The following LRRC4C variants were observed in gnomAD, a reference collection of about 807,000 sequenced individuals.
The protein encoded by LRRC4C is leucine-rich repeat-containing protein 4C.
Under a neutral mutation model 33.6 loss-of-function variants are expected in LRRC4C, and 5 were observed. The ratio of observed to expected loss-of-function variants is 0.15; its 90% CI spans 0.08 to 0.31. LRRC4C has a LOEUF of 0.31. Among genes scored for constraint, LRRC4C ranks in the 10% least tolerant of loss-of-function variants. LRRC4C has a pLI of 1.00. For synonymous variants in LRRC4C, 329 were observed against 302.0 expected (o/e 1.09, Z -0.93); for missense variants, 560 against 796.7 (o/e 0.70, Z 3.58).
chr11:40,394,025 G>T (rs1458824884), intron 3 of LRRC4C, among the ~76,000 whole-genome samples: 1 of 151,950 alleles, frequency 6.6e-6, no homozygotes, highest in Non-Finnish European at 1.5e-5. Context: ...TGAAGAGTAA[G>T]AAGGGGATAA....
chr11:40,909,933 A>C (rs1956592813), intron 2 of LRRC4C, among the ~76,000 whole-genome samples: 1 of 152,200 alleles, frequency 6.6e-6, no homozygotes, highest in African/African-American at 2.4e-5. Context: ...AAACAACTGA[A>C]AATCATTTAT....
At chr11:40,933,464 C>G (rs1957726320) in intron 2 of LRRC4C, among the ~76,000 whole-genome samples, 171 bp downstream of exon 2, 1 of 152,224 alleles carries the variant, frequency 6.6e-6, no homozygotes, top group Non-Finnish European at 1.5e-5. Context: ...TTGTTTAAAG[C>G]TATTATTGTT....
chr11:40,115,260 C>T lies in LRRC4C; in HGVS notation c.1033G>A (p.Asp345Asn), dbSNP rs779147551. 7.4e-6 allele frequency: 12 copies of T among 1,613,934 alleles called. No homozygotes were observed. The highest frequency in any genetic ancestry group is 6.6e-5 in the South Asian group (6 of 91,052). Residue 345 changes from aspartate (D) to asparagine (N), a missense_variant, in exon 7 of 7, where the codon GAC becomes AAC. Physicochemically the swap from Asp to Asn is conservative, Grantham distance 23. Coordinates refer to ENST00000528697, the MANE Select transcript of LRRC4C (RefSeq NM_001258419.2). The surrounding 1 kb of genome is among the most constrained non-coding windows in gnomAD (Gnocchi z 6.7). ...NLKGRYIGEL[D>N]QNYFTCYAPV... ...GCATAGCATGTGAAGTAATTCTGGT[C>T]GAGCTCTCCAATGTACCTCCCCTTT... is the stretch of plus-strand genomic sequence containing the variant.
intron 4 of LRRC4C, among the ~76,000 whole-genome samples, chr11:40,304,744 T>C (rs1167950536): frequency 6.6e-6 from 1 of 151,914 alleles, no homozygotes; most frequent in East Asian, 1.9e-4. Flanking sequence ...CCTTTTTTTT[T>C]TTTTTGAGAC....
intron 2 of LRRC4C, among the ~76,000 whole-genome samples, chr11:40,671,094 G>C (rs887873739): frequency 6.6e-6 from 1 of 152,106 alleles, no homozygotes; most frequent in Admixed American, 6.5e-5. Flanking sequence ...CACAAATTTG[G>C]GGTGAGAAAT....
At chr11:40,197,589 T>C (rs1324860781) in intron 5 of LRRC4C, among the ~76,000 whole-genome samples, 1 of 152,192 alleles carries the variant, frequency 6.6e-6, no homozygotes, top group African/African-American at 2.4e-5. Context: ...CACAAATTCA[T>C]GCTGTTCCAC....
At chr11:41,116,490 T>G (rs760976422) in intron 1 of LRRC4C, among the ~76,000 whole-genome samples, 1 of 152,128 alleles carries the variant, frequency 6.6e-6, no homozygotes, top group African/African-American at 2.4e-5. Flanking sequence ...TTGAAGGTAG[T>G]ATTGTTGCAG....
At chr11:41,442,466 T>C (rs1955656229) in intron 1 of LRRC4C, among the ~76,000 whole-genome samples, 1 of 73,196 alleles carries the variant, frequency 1.4e-5, no homozygotes, top group Non-Finnish European at 2.9e-5. Flanking sequence ...TTCTTTTTTT[T>C]TTTTTTTTTT....
At chr11:40,449,027 G>A (rs1040418666) in intron 3 of LRRC4C, among the ~76,000 whole-genome samples, 1 of 151,962 alleles carries the variant, frequency 6.6e-6, no homozygotes, top group African/African-American at 2.4e-5. Context: ...TCATATGTTT[G>A]TTGGCTGCAT....
At chr11:41,454,591 A>G (rs956982473) in intron 1 of LRRC4C, among the ~76,000 whole-genome samples, 4 of 152,136 alleles carry the variant, frequency 2.6e-5, no homozygotes, top group African/African-American at 4.8e-5. Flanking sequence ...GCAACCACAT[A>G]TGGAAAGATG....
chr11:40,902,684 C>G (rs1274228402), intron 2 of LRRC4C, among the ~76,000 whole-genome samples: 2 of 152,082 alleles, frequency 1.3e-5, no homozygotes, highest in Non-Finnish European at 2.9e-5. Flanking sequence ...AATGAAACAG[C>G]CTGACTGCTG....
intron 5 of LRRC4C, among the ~76,000 whole-genome samples, chr11:40,145,680 C>G (rs1351558066): frequency 6.6e-6 from 1 of 152,186 alleles, no homozygotes; most frequent in Non-Finnish European, 1.5e-5. Context: ...AGTGTCCATA[C>G]TGTTTTCTCT....
chr11:41,001,408 A>G (rs1158900710), intron 1 of LRRC4C, among the ~76,000 whole-genome samples: 1 of 152,180 alleles, frequency 6.6e-6, no homozygotes, highest in African/African-American at 2.4e-5. Flanking sequence ...CTTTCAGTCT[A>G]CATAAATAAA....
At chr11:41,442,557 C>T (rs1228025688) in intron 1 of LRRC4C, among the ~76,000 whole-genome samples, 1 of 143,452 alleles carries the variant, frequency 7.0e-6, no homozygotes, top group Non-Finnish European at 1.5e-5. Context: ...GCAAGCTCCG[C>T]CTCCTGGGTT....
chr11:40,152,309 G>A (rs1399810393), intron 5 of LRRC4C, among the ~76,000 whole-genome samples: 1 of 152,148 alleles, frequency 6.6e-6, no homozygotes, highest in African/African-American at 2.4e-5. Flanking sequence ...GAGTTCGCTG[G>A]GTCCCCAAGC....
chr11:41,047,284 T>A (rs1857841107), intron 1 of LRRC4C, among the ~76,000 whole-genome samples: 1 of 152,058 alleles, frequency 6.6e-6, no homozygotes, highest in Non-Finnish European at 1.5e-5. Flanking sequence ...AAAATTCCAA[T>A]CAAAACCACA....
intron 1 of LRRC4C, among the ~76,000 whole-genome samples, chr11:41,024,075 T>G (rs963042565): frequency 6.6e-6 from 1 of 151,594 alleles, no homozygotes; most frequent in Non-Finnish European, 1.5e-5. Flanking sequence ...TGTGACTACC[T>G]TATCATCCAA....
intron 1 of LRRC4C, among the ~76,000 whole-genome samples, chr11:41,043,068 C>CTTTTTTTTTT (rs67605827): frequency 4.0e-5 from 3 of 75,798 alleles, no homozygotes; most frequent in Non-Finnish European, 7.1e-5. Flanking sequence ...CAGAATAGAC[C>CTTTTTTTTTT]TTTTTTTTTT....
At chr11:41,169,833 A>C (rs192478226) in intron 1 of LRRC4C, among the ~76,000 whole-genome samples, 1 of 152,296 alleles carries the variant, frequency 6.6e-6, no homozygotes, top group Admixed American at 6.5e-5. Flanking sequence ...TGGTATTGTA[A>C]GTTTAACACA....
Sources: allele counts gnomAD v4.1 joint callset (sites outside exome capture counted in the v4.1 genomes callset), GRCh38; gene constraint gnomAD v4.1.1; non-coding constraint Gnocchi (gnomAD v3.1); transcripts MANE v1.5; gene names NCBI Gene and HGNC (gene_info 2026-07-23, HGNC 2026-07-21).